Variants in HACE1 observed in about 807,000 individuals in gnomAD.
The protein encoded by HACE1 is HECT domain and ankyrin repeat containing E3 ubiquitin protein ligase 1, also known as E3 ubiquitin-protein ligase HACE1.
A neutral mutation model predicts 118.4 loss-of-function variants in HACE1; 73 were observed. That is an observed-to-expected ratio of 0.62 (90% confidence interval 0.51 to 0.75). The LOEUF (loss-of-function observed/expected upper bound fraction) is 0.75. Ranked by LOEUF, HACE1 falls within the 30% of genes least tolerant of loss-of-function variation. The pLI is 0.00. For synonymous variants in HACE1, 368 were observed against 374.8 expected (o/e 0.98, Z 0.21); for missense variants, 749 against 1,102.2 (o/e 0.68, Z 4.54).
chr6:104,747,359 T>G (rs1002362889), intron 20 of HACE1, among the ~76,000 whole-genome samples: 1 of 152,148 alleles, frequency 6.6e-6, no homozygotes, highest in Non-Finnish European at 1.5e-5. Flanking sequence ...CTGTCTACAA[T>G]GGATGACTAC....
rs576921112 is a variant in HACE1 at position 104,859,891 on chromosome 6, G to T, written c.-249C>A. ...CGCCTTTCCTGCAGCCCCCGCCGCC[G>T]CGTCCCTCCCGGGCTCGCGTGGCCT... On this transcript the variant is annotated 5_prime_UTR_variant, in exon 1 of 24. Coordinates refer to ENST00000262903, the MANE Select transcript of HACE1 (RefSeq NM_020771.4). The T allele has an allele frequency of 2.5e-4, 121 of 476,910 alleles. 1 individual carries two copies. The South Asian group carries it at 2.9e-3, about 12-fold the overall frequency. 29.5% of individuals were successfully genotyped at this position (476,910 alleles called of 1,614,324 possible).
intron 7 of HACE1, among the ~76,000 whole-genome samples, chr6:104,810,072 A>T (rs12205971): frequency 0.11 from 16,675 of 152,000 alleles, 953 homozygotes; most frequent in Admixed American, 0.15. Flanking sequence ...TGGACATTCA[A>T]ATCTGGAGGT....
At chr6:104,778,794 C>G (rs73508072) in intron 14 of HACE1, among the ~76,000 whole-genome samples, 21,726 of 151,658 alleles carry the variant, frequency 0.14, 1,609 homozygotes, top group African/African-American at 0.19. Context: ...GAGTGACAAA[C>G]TGAGACCTTA....
chr6:104,847,785 C>T (rs759548241), intron 4 of HACE1, among the ~76,000 whole-genome samples: 6 of 151,836 alleles, frequency 4.0e-5, no homozygotes, highest in South Asian at 2.1e-4. Flanking sequence ...ATTTGTATAC[C>T]GTGTCCATAG....
intron 6 of HACE1, among the ~76,000 whole-genome samples, chr6:104,823,643 CAG>C (rs1488919542): frequency 2.0e-5 from 3 of 150,848 alleles, no homozygotes; most frequent in Non-Finnish European, 4.4e-5. Flanking sequence ...AATAAAAAAA[CAG>C]AGAAAAACCT....
Position 104,795,531 on chromosome 6 carries a change from C to G in HACE1, c.923+48G>C, listed in dbSNP as rs73513923. 1.6e-3 allele frequency: 1,739 copies of G among 1,054,826 alleles called. 20 individuals carry two copies. The African/African-American group carries it at 0.025, about 15-fold the overall frequency. The allele number at this position is 1,054,826 out of a possible 1,614,324, so 65.3% of individuals were successfully genotyped here. A position where few individuals can be genotyped will look rare whatever the true frequency, so the allele number is the denominator to read the frequency against. On this transcript the variant is annotated intron_variant, in intron 10 of 23. Coordinates refer to ENST00000262903, the MANE Select transcript of HACE1 (RefSeq NM_020771.4). ...GAATAAACTACTCAGGAGGTGAAGC[C>G]AACAGACACTGCTACCTATTGATTT...
intron 19 of HACE1, among the ~76,000 whole-genome samples, chr6:104,767,943 T>C (rs1780185564): frequency 6.6e-6 from 1 of 152,202 alleles, no homozygotes; most frequent in South Asian, 2.1e-4. Flanking sequence ...TGACTAATAT[T>C]ATAAAAGTGA....
chr6:104,832,377 GTTT>G (rs749094102), intron 6 of HACE1, among the ~76,000 whole-genome samples: 18 of 124,356 alleles, frequency 1.4e-4, no homozygotes, highest in Non-Finnish European at 2.8e-4. Context: ...CTATTTTCCT[GTTT>G]TTTGTTGTTG....
At chr6:104,783,591 A>G (rs1386569545) in intron 14 of HACE1, among the ~76,000 whole-genome samples, 1 of 152,196 alleles carries the variant, frequency 6.6e-6, no homozygotes, top group Admixed American at 6.5e-5. Flanking sequence ...TCCTCCAGCT[A>G]GCTTCATGTA....
At chr6:104,738,737 A>G (rs1368950857) in intron 22 of HACE1, among the ~76,000 whole-genome samples, 1 of 146,078 alleles carries the variant, frequency 6.8e-6, no homozygotes, top group East Asian at 2.0e-4. Flanking sequence ...AAGTTGGAAA[A>G]CACTCTGCAG....
chr6:104,775,638 G>T (rs1423733558), intron 17 of HACE1, among the ~76,000 whole-genome samples: 1 of 152,140 alleles, frequency 6.6e-6, no homozygotes, highest in African/African-American at 2.4e-5. Context: ...CATTCACAAA[G>T]ACACCAAATT....
intron 14 of HACE1, among the ~76,000 whole-genome samples, chr6:104,781,249 T>C (rs1414709313): frequency 1.3e-5 from 2 of 152,362 alleles, no homozygotes; most frequent in Admixed American, 6.5e-5. Context: ...TTATTTATTT[T>C]GATGCTCAAA....
chr6:104,816,033 A>G (rs1050975487), intron 6 of HACE1, among the ~76,000 whole-genome samples: 2 of 151,852 alleles, frequency 1.3e-5, no homozygotes, highest in African/African-American at 4.8e-5. Flanking sequence ...AGATCACTGC[A>G]TTGCACTCCA....
intron 22 of HACE1, among the ~76,000 whole-genome samples, chr6:104,737,083 A>T (rs1775928272): frequency 1.3e-5 from 2 of 151,690 alleles, no homozygotes; most frequent in Non-Finnish European, 2.9e-5. Flanking sequence ...CAGGAGTTCA[A>T]GACCAGCTTG....
intron 17 of HACE1, among the ~76,000 whole-genome samples, chr6:104,774,080 C>CTCTTTTTTTTTT (rs1780927579): frequency 1.7e-4 from 13 of 74,856 alleles, no homozygotes; most frequent in African/African-American, 8.7e-4. Context: ...CATCTTTTCT[C>CTCTTTTTTTTTT]TTTTTTTTTT....
chr6:104,841,910 T>A (rs911826584), intron 5 of HACE1, among the ~76,000 whole-genome samples: 6 of 152,166 alleles, frequency 3.9e-5, no homozygotes, highest in African/African-American at 1.4e-4. Context: ...ATTTCAACAA[T>A]CTCTTCAGCA....
intron 6 of HACE1, among the ~76,000 whole-genome samples, chr6:104,812,327 G>A (rs1035458082): frequency 6.6e-6 from 1 of 151,872 alleles, no homozygotes; most frequent in Non-Finnish European, 1.5e-5. Flanking sequence ...ATAGTAGTAG[G>A]CCTAGCTACT....
rs1782187098 is a variant in HACE1 at position 104,784,975 on chromosome 6, A to C, written c.1409+10T>G. ...GAGAAAAAAAAAATAATAAGCCAAA[A>C]CTTTCTTACCCCGGAGGCATCTGAC... is the stretch of plus-strand genomic sequence containing the variant. On this transcript the variant is annotated intron_variant, in intron 12 of 23. Coordinates refer to ENST00000262903, the MANE Select transcript of HACE1 (RefSeq NM_020771.4). 3 of 1,592,980 alleles carry C rather than the reference A, an allele frequency of 1.9e-6. No individual in the cohort carries two copies. The highest frequency in any genetic ancestry group is 2.6e-6 in the Non-Finnish European group (3 of 1,162,826).
At chr6:104,735,459 C>T (rs1461810850) in intron 22 of HACE1, among the ~76,000 whole-genome samples, 2 of 151,904 alleles carry the variant, frequency 1.3e-5, no homozygotes, top group Non-Finnish European at 2.9e-5. Flanking sequence ...GGTGAAACCC[C>T]GCCTCTACTA....
Sources: allele counts gnomAD v4.1 joint callset (sites outside exome capture counted in the v4.1 genomes callset), GRCh38; gene constraint gnomAD v4.1.1; transcripts MANE v1.5; gene names NCBI Gene and HGNC (gene_info 2026-07-23, HGNC 2026-07-21).